Variants in ADCY8 observed in about 807,000 individuals in gnomAD.
ADCY8 encodes adenylate cyclase type 8.
Under a neutral mutation model 119.7 loss-of-function variants are expected in ADCY8, and 51 were observed. That is an observed-to-expected ratio of 0.43 (90% confidence interval 0.34 to 0.54). The LOEUF is 0.54. Ranked by LOEUF, ADCY8 falls within the 20% of genes least tolerant of loss-of-function variation. The pLI is 0.03. For synonymous variants in ADCY8, 665 were observed against 651.0 expected (o/e 1.02, Z -0.33); for missense variants, 1,383 against 1,598.8 (o/e 0.87, Z 2.30).
chr8:130,977,126 A>G (rs1482555549), intron 2 of ADCY8, among the ~76,000 whole-genome samples: 1 of 152,136 alleles, frequency 6.6e-6, no homozygotes, highest in Non-Finnish European at 1.5e-5. Flanking sequence ...ATCTCCTCAC[A>G]TTGCCTGGAG....
At chr8:130,939,623 A>G (rs1237086263) in intron 4 of ADCY8, among the ~76,000 whole-genome samples, 1 of 152,220 alleles carries the variant, frequency 6.6e-6, no homozygotes, top group Non-Finnish European at 1.5e-5. Context: ...CATTCCAGAG[A>G]AATTTACCAG....
chr8:131,005,233 A>G (rs552613426), intron 1 of ADCY8, among the ~76,000 whole-genome samples: 1 of 152,330 alleles, frequency 6.6e-6, no homozygotes, highest in East Asian at 1.9e-4. Flanking sequence ...GGGTGGCTAT[A>G]AAGGCTAAAC....
In ADCY8 at chr8:130,990,529, G is replaced by A. The variant is rs1822543967; in HGVS notation, c.974C>T (p.Ala325Val). The A allele has an allele frequency of 8.1e-6, 13 of 1,613,808 alleles. No homozygotes were observed. Among genetic ancestry groups the A allele is most frequent in the Non-Finnish European group, 1.1e-5 (13 of 1,179,870 alleles). ...VISINQVVAQ[A>V]VLFMCMNTAG... ...TGTGTTCATACACATGAATAGCACT[G>A]CCTGGGCCACAACCTAAAATAAACA... is the stretch of plus-strand genomic sequence containing the variant. The change falls in exon 2 of 18, where the codon GCA becomes GTA. Residue 325 changes from alanine to valine, a missense_variant. Physicochemically the swap from Ala to Val is moderately conservative, Grantham distance 64. Around this residue, in one of 2 missense-constraint regions of ADCY8, gnomAD observed 928 missense variants for 1,163.5 expected, o/e 0.80. Coordinates refer to ENST00000286355, the MANE Select transcript of ADCY8 (RefSeq NM_001115.3).
intron 1 of ADCY8, among the ~76,000 whole-genome samples, chr8:131,020,922 G>C (rs565305780): frequency 5.3e-5 from 8 of 152,258 alleles, no homozygotes; most frequent in Middle Eastern, 3.4e-3. Context: ...TACATCAGAT[G>C]ACATGACATC....
intron 7 of ADCY8, 99 bp from the exon 8 acceptor site, chr8:130,884,860 A>G (rs1197081645): frequency 8.8e-7 from 1 of 1,141,170 alleles, no homozygotes; most frequent in African/African-American, 1.5e-5. Flanking sequence ...GCAAACAGTA[A>G]TAGCATTCCA....
Position 130,806,679 on chromosome 8 carries a change from C to G in ADCY8, c.2914-6107G>C, listed in dbSNP as rs537338813. On this transcript the variant is annotated intron_variant, in intron 14 of 17. Transcript: ENST00000286355. ...TATTAATTTCTGTGAAGTGACATAG[C>G]CAGCCTCAGGCAATCGCAAGGGAAT... is the stretch of plus-strand genomic sequence containing the variant. Among the ~76,000 whole-genome samples, 4 of 152,196 alleles carry G rather than the reference C, an allele frequency of 2.6e-5. No individual in the cohort carries two copies. In the South Asian group the frequency reaches 6.2e-4, roughly 24 times the overall value.
chr8:130,906,483 GT>G (rs1819790420), intron 6 of ADCY8, among the ~76,000 whole-genome samples: 1 of 152,148 alleles, frequency 6.6e-6, no homozygotes, highest in Non-Finnish European at 1.5e-5. Context: ...GTTTTCACTA[GT>G]GAAAGAGATC....
At chr8:130,840,910 C>T (rs144107101) in intron 11 of ADCY8, among the ~76,000 whole-genome samples, 125 of 152,238 alleles carry the variant, frequency 8.2e-4, no homozygotes, top group Middle Eastern at 3.4e-3. Context: ...AAGTGCATCA[C>T]CTTTGCCTTG....
intron 15 of ADCY8, among the ~76,000 whole-genome samples, chr8:130,788,260 G>C (rs756034295): frequency 6.6e-5 from 10 of 152,094 alleles, no homozygotes; most frequent in Non-Finnish European, 1.0e-4. Flanking sequence ...CAATGGATGA[G>C]TAAATTCAAA....
rs748382418 is a variant in ADCY8, at chr8:130,867,876, G to A, written c.2180C>T (p.Thr727Met). 1.9e-5 allele frequency: 30 copies of A among 1,611,238 alleles called. No homozygotes were observed. Among genetic ancestry groups the A allele is most frequent in the Non-Finnish European group, 2.0e-5 (23 of 1,178,472 alleles). The change falls in exon 9 of 18, where the codon ACG becomes ATG. Residue 727 changes from threonine to methionine, a missense_variant. Thr to Met is a moderately conservative substitution (Grantham distance 81, BLOSUM62 -1). Coordinates refer to ENST00000286355, the MANE Select transcript of ADCY8 (RefSeq NM_001115.3). ...VCAFIVLLFI[T>M]AIQSLLPSSR... ...AGAAGGAAGCAAACTTTGTATTGCC[G>A]TGATAAATAGAAGAACGATAAATGC...
rs561113211 is a variant in ADCY8 at position 130,911,627 on chromosome 8, CAAATT to C, written c.1482-1766_1482-1762del. 3.6e-4 allele frequency among the ~76,000 whole-genome samples: 55 copies of C among 150,904 alleles called. No individual in the cohort carries two copies. In the East Asian group the frequency reaches 9.5e-3, roughly 26 times the overall value. ...AAATTTTAAATTTTAAATTTGTAAT[CAAATT>C]AAAATATTTAAATTAAATTGGATAC... On this transcript the variant is annotated intron_variant, in intron 5 of 17. Coordinates refer to ENST00000286355, the MANE Select transcript of ADCY8 (RefSeq NM_001115.3).
chr8:130,844,552 G>A (rs1316622808), intron 11 of ADCY8, among the ~76,000 whole-genome samples: 1 of 152,158 alleles, frequency 6.6e-6, no homozygotes, highest in Non-Finnish European at 1.5e-5. Flanking sequence ...GATTTGCTTG[G>A]GGACACATAC....
intron 13 of ADCY8, among the ~76,000 whole-genome samples, chr8:130,816,619 G>T (rs573303729): frequency 5.1e-4 from 78 of 151,818 alleles, no homozygotes; most frequent in African/African-American, 1.8e-3. Context: ...TAGAGACAGG[G>T]TTTCACCGTG....
intron 1 of ADCY8, among the ~76,000 whole-genome samples, chr8:130,999,749 G>A (rs150048114): frequency 2.5e-3 from 376 of 152,324 alleles, no homozygotes; most frequent in African/African-American, 8.7e-3. Context: ...ACCCACTCAA[G>A]TGTGATTGTG....
At chr8:130,964,539 A>G (rs1273333109) in intron 2 of ADCY8, among the ~76,000 whole-genome samples, 2 of 152,236 alleles carry the variant, frequency 1.3e-5, no homozygotes, top group African/African-American at 4.8e-5. Context: ...TGTAATGCTG[A>G]GCAGCTAAAA....
intron 5 of ADCY8, among the ~76,000 whole-genome samples, chr8:130,913,569 C>T (rs914359487): frequency 3.9e-5 from 6 of 152,164 alleles, no homozygotes; most frequent in East Asian, 1.9e-4. Flanking sequence ...TCTCCTGTGT[C>T]ACCATCATGA....
rs989785717 is a variant in ADCY8 at position 130,892,992 on chromosome 8, C to T, written c.1912-8231G>A. Among the ~76,000 whole-genome samples, 91 of 152,258 alleles carry T rather than the reference C, an allele frequency of 6.0e-4. 1 individual carries two copies. The highest frequency in any genetic ancestry group is 9.2e-4 in the Admixed American group (14 of 15,280). ...ATTAGCTAATCCTAGATGCTTGCCT[C>T]TGATATTATTCTTTGAGCTCCTTAA... On this transcript the variant is annotated intron_variant, in intron 7 of 17. Coordinates refer to ENST00000286355, the MANE Select transcript of ADCY8 (RefSeq NM_001115.3).
rs748119067 is a variant in ADCY8 at position 130,951,762 on chromosome 8, GA to G, written c.1241+105del. Reference sequence around the variant, plus strand: ...GTAATGAATTAATCAACCAGATGAGGAAAGGTGCTGACATTCAAGCAGACGG... The same window carrying G: ...GTAATGAATTAATCAACCAGATGAGGAAGGTGCTGACATTCAAGCAGACGG... On this transcript the variant is annotated intron_variant, in intron 3 of 17. Coordinates refer to ENST00000286355, the MANE Select transcript of ADCY8 (RefSeq NM_001115.3). 223 of 1,388,674 alleles carry G rather than the reference GA, an allele frequency of 1.6e-4. 1 individual carries two copies. The highest frequency in any genetic ancestry group is 2.1e-4 in the Non-Finnish European group (214 of 1,010,720). The allele number at this position is 1,388,674 out of a possible 1,614,324, so 86.0% of individuals were successfully genotyped here.
chr8:130,838,911 C>A (rs60891573), intron 11 of ADCY8, among the ~76,000 whole-genome samples: 8,026 of 140,442 alleles, frequency 0.057, 1,273 homozygotes, highest in Middle Eastern at 0.13. Context: ...AGAGGAAGGA[C>A]AAAGCGTTGT....
Sources: allele counts gnomAD v4.1 joint callset (sites outside exome capture counted in the v4.1 genomes callset), GRCh38; gene constraint gnomAD v4.1.1; regional missense constraint gnomAD v4.1.1; transcripts MANE v1.5; gene names NCBI Gene and HGNC (gene_info 2026-07-23, HGNC 2026-07-21).